HS3ST4: variants seen among roughly 807,000 people sequenced by gnomAD.
HS3ST4 encodes the protein heparan sulfate-glucosamine 3-sulfotransferase 4, also known as heparan sulfate glucosamine 3-O-sulfotransferase 4.
In HS3ST4, 17 loss-of-function variants were observed where a neutral mutation model predicts 29.2. The observed-to-expected ratio is 0.58, with a 90% confidence interval of 0.40 to 0.87. The LOEUF (loss-of-function observed/expected upper bound fraction) is 0.87, where lower values mean the gene tolerates loss of function less well. Among genes scored for constraint, HS3ST4 ranks in the 40% least tolerant of loss-of-function variants. The pLI, the probability that HS3ST4 is intolerant of heterozygous loss-of-function variation, is 0.00. For synonymous variants in HS3ST4, 314 were observed against 285.7 expected, an observed-to-expected ratio of 1.10 and a Z score of -1.00; for missense variants, 627 against 634.5, an observed-to-expected ratio of 0.99 and a Z score of 0.13.
At chr16:26,023,082 C>G (rs1382269097) in intron 1 of HS3ST4, among the ~76,000 whole-genome samples, 2 of 152,174 alleles carry the variant, frequency 1.3e-5, no homozygotes, top group East Asian at 3.9e-4. Context: ...GTATTCACTT[C>G]AGTGTACATA....
intron 1 of HS3ST4, among the ~76,000 whole-genome samples, chr16:25,895,823 C>T (rs1596606182): frequency 1.3e-5 from 2 of 152,104 alleles, no homozygotes; most frequent in African/African-American, 4.8e-5. Flanking sequence ...CCCCCATGAC[C>T]TAATCACTTC....
chr16:25,898,091 C>A (rs1968088606), intron 1 of HS3ST4, among the ~76,000 whole-genome samples: 1 of 152,208 alleles, frequency 6.6e-6, no homozygotes, highest in African/African-American at 2.4e-5. Context: ...GGAATTCACC[C>A]CGGCCTCTGT....
At chr16:25,733,287 C>G (rs1966584299) in intron 1 of HS3ST4, among the ~76,000 whole-genome samples, 1 of 152,132 alleles carries the variant, frequency 6.6e-6, no homozygotes, top group Admixed American at 6.5e-5. Context: ...CCCTGCTGGG[C>G]TAACTGGATT....
At chr16:26,046,314 C>T (rs1898263904) in intron 1 of HS3ST4, among the ~76,000 whole-genome samples, 1 of 152,070 alleles carries the variant, frequency 6.6e-6, no homozygotes, top group Admixed American at 6.6e-5. Context: ...CCACGCCCAG[C>T]TAATTTTTGT....
At chr16:25,767,357 G>C (rs1444666881) in intron 1 of HS3ST4, among the ~76,000 whole-genome samples, 2 of 152,096 alleles carry the variant, frequency 1.3e-5, no homozygotes, top group Non-Finnish European at 2.9e-5. Flanking sequence ...AGTGCAAACA[G>C]ATGTGTCAAA....
chr16:25,790,237 C>A (rs909108043), intron 1 of HS3ST4, among the ~76,000 whole-genome samples: 2 of 151,946 alleles, frequency 1.3e-5, no homozygotes, highest in Non-Finnish European at 2.9e-5. Context: ...ATGGTGAAAC[C>A]CCGTCTCTAC....
chr16:25,909,064 A>G (rs1033299334), intron 1 of HS3ST4, among the ~76,000 whole-genome samples: 1 of 152,188 alleles, frequency 6.6e-6, no homozygotes, highest in African/African-American at 2.4e-5. Flanking sequence ...AGGATTTCAC[A>G]ATGATGGGGA....
chr16:25,828,490 G>A (rs971684328), intron 1 of HS3ST4, among the ~76,000 whole-genome samples: 12 of 151,430 alleles, frequency 7.9e-5, no homozygotes, highest in African/African-American at 2.7e-4. Context: ...ACAGGCACCC[G>A]CCACCACAGT....
chr16:25,982,553 G>T (rs1487646538), intron 1 of HS3ST4, among the ~76,000 whole-genome samples: 1 of 152,174 alleles, frequency 6.6e-6, no homozygotes, highest in Non-Finnish European at 1.5e-5. Flanking sequence ...ATGTTGTCAG[G>T]CACGGTGGCT....
rs568064097 is a variant in HS3ST4, at chr16:26,104,869, G to A, written c.735-30743G>A. ...AGTCCTTGGACTGGAGCAGTCCTTG[G>A]TTCTTCTCTTTCTCCCACACCTCAA... On this transcript the variant is annotated intron_variant, in intron 1 of 1. Transcript: ENST00000331351. Among the ~76,000 whole-genome samples, 3 of 152,214 alleles carry A rather than the reference G, an allele frequency of 2.0e-5. No homozygotes were observed. The South Asian group carries it at 6.2e-4, about 32-fold the overall frequency.
At chr16:25,780,442 G>A (rs1966851641) in intron 1 of HS3ST4, among the ~76,000 whole-genome samples, 1 of 152,088 alleles carries the variant, frequency 6.6e-6, no homozygotes, top group Non-Finnish European at 1.5e-5. Context: ...TGATCATAGG[G>A]GTCTCTTGTT....
chr16:26,019,627 G>C (rs4787803), intron 1 of HS3ST4, among the ~76,000 whole-genome samples: 6,042 of 152,210 alleles, frequency 0.04, 395 homozygotes, highest in African/African-American at 0.13. Flanking sequence ...CGGCGGGTCC[G>C]TCTGGCTCCT....
chr16:25,996,523 C>T (rs1316174748), intron 1 of HS3ST4, among the ~76,000 whole-genome samples: 1 of 152,072 alleles, frequency 6.6e-6, no homozygotes, highest in Non-Finnish European at 1.5e-5. Flanking sequence ...TGTGCCAGCA[C>T]CATTTATTAA....
At chr16:25,819,631 C>T (rs538928805) in intron 1 of HS3ST4, among the ~76,000 whole-genome samples, 7 of 152,124 alleles carry the variant, frequency 4.6e-5, no homozygotes, top group South Asian at 4.2e-4. Context: ...TAGACACGTC[C>T]GGGAGGAAGT....
intron 1 of HS3ST4, among the ~76,000 whole-genome samples, chr16:26,081,672 A>G (rs1295125572): frequency 6.6e-6 from 1 of 152,206 alleles, no homozygotes; most frequent in East Asian, 1.9e-4. Context: ...TGAAGAAATA[A>G]GAATGTTTTA....
chr16:26,133,584 A>G (rs923495600), intron 1 of HS3ST4, among the ~76,000 whole-genome samples: 1 of 152,224 alleles, frequency 6.6e-6, no homozygotes, highest in Non-Finnish European at 1.5e-5. Flanking sequence ...CTGCCCAACC[A>G]TTATACTAAC....
chr16:25,959,491 G>A (rs1968772672), intron 1 of HS3ST4, among the ~76,000 whole-genome samples: 1 of 152,172 alleles, frequency 6.6e-6, no homozygotes, highest in Admixed American at 6.5e-5. Flanking sequence ...GTTTTACAAA[G>A]AAGTCACTGA....
rs78512585 is a variant in HS3ST4 at position 26,128,669 on chromosome 16, G to T, written c.735-6943G>T. On this transcript the variant is annotated intron_variant, in intron 1 of 1. Transcript: ENST00000331351. ...TTCCAGCATAACTGGGCAGGGCAAG[G>T]TCTTGGCTATGCATCCCTGGACAAG... 6.0e-3 allele frequency among the ~76,000 whole-genome samples: 921 copies of T among 152,332 alleles called. 6 individuals are homozygous for T. Among genetic ancestry groups the T allele is most frequent in the Non-Finnish European group, 8.7e-3 (593 of 68,032 alleles).
chr16:25,701,711 T>C (rs929804325), intron 1 of HS3ST4, among the ~76,000 whole-genome samples: 2 of 152,218 alleles, frequency 1.3e-5, no homozygotes, highest in Non-Finnish European at 2.9e-5. Flanking sequence ...TTATCAACCA[T>C]GTGCTATGTG....
Sources: gnomAD v4.1 joint callset for allele counts (sites outside exome capture counted in the v4.1 genomes callset) on GRCh38, gnomAD v4.1.1 for gene constraint, MANE v1.5 for transcripts, NCBI Gene and HGNC (gene_info 2026-07-23, HGNC 2026-07-21) for gene names.